The following ABHD12 variants were observed in gnomAD, a reference collection of about 807,000 sequenced individuals.
ABHD12 encodes the protein abhydrolase domain containing 12, lysophospholipase, also known as lysophosphatidylserine lipase ABHD12.
A neutral mutation model predicts 58.3 loss-of-function variants in ABHD12; 43 were observed. The ratio of observed to expected loss-of-function variants is 0.74; its 90% CI spans 0.58 to 0.95. The LOEUF is 0.95. Among genes scored for constraint, ABHD12 ranks in the 40% least tolerant of loss-of-function variants. ABHD12 has a pLI of 0.00. For synonymous variants in ABHD12, 219 were observed against 211.2 expected, an observed-to-expected ratio of 1.04 and a Z score of -0.32; for missense variants, 539 against 537.2, an observed-to-expected ratio of 1.00 and a Z score of -0.03.
intron 1 of ABHD12, among the ~76,000 whole-genome samples, chr20:25,374,261 A>G (rs2089935096): frequency 6.6e-6 from 1 of 152,084 alleles, no homozygotes; most frequent in Non-Finnish European, 1.5e-5. Flanking sequence ...CACCTGGCCT[A>G]GTAATGATGC....
intron 1 of ABHD12, among the ~76,000 whole-genome samples, chr20:25,358,724 G>T (rs2146080883): frequency 6.6e-6 from 1 of 152,256 alleles, no homozygotes; most frequent in Non-Finnish European, 1.5e-5. Flanking sequence ...GGGCACACGT[G>T]AACTTGGACC....
At chr20:25,337,153 C>T (rs1322545247) in intron 2 of ABHD12, among the ~76,000 whole-genome samples, 1 of 152,134 alleles carries the variant, frequency 6.6e-6, no homozygotes, top group Non-Finnish European at 1.5e-5. Context: ...GGAGTCCCAG[C>T]AACTCAGGAG....
chr20:25,300,167 A>G, downstream of ABHD12: 1 of 988,006 alleles, frequency 1.0e-6, no homozygotes, highest in South Asian at 4.6e-5. Context: ...GCTCTGGGGC[A>G]TGGAGGAGGC....
At chr20:25,295,053 A>T in intron 12 of ABHD12, 2 of 1,613,026 alleles carry the variant, frequency 1.2e-6, no homozygotes, top group Non-Finnish European at 1.7e-6. Flanking sequence ...AAGTGCTTTT[A>T]AAATTGTGAA....
At chr20:25,376,818 AAC>A (rs1223077320) in intron 1 of ABHD12, among the ~76,000 whole-genome samples, 1 of 152,248 alleles carries the variant, frequency 6.6e-6, no homozygotes, top group East Asian at 1.9e-4. Flanking sequence ...TGGATGGAAG[AAC>A]ACAGGAGCAA....
intron 1 of ABHD12, among the ~76,000 whole-genome samples, chr20:25,345,512 G>T (rs1164312483): frequency 6.6e-6 from 1 of 152,132 alleles, no homozygotes; most frequent in Non-Finnish European, 1.5e-5. Context: ...GAGAAGATAA[G>T]CCACAGACTC....
At chr20:25,340,184 T>C (rs1248039068) in intron 1 of ABHD12, among the ~76,000 whole-genome samples, 2 of 152,248 alleles carry the variant, frequency 1.3e-5, no homozygotes, top group Admixed American at 6.5e-5. Context: ...TGATCTGTCA[T>C]ATGAGAAATC....
At chr20:25,332,065 C>T (rs1488508503) in intron 2 of ABHD12, among the ~76,000 whole-genome samples, 1 of 152,148 alleles carries the variant, frequency 6.6e-6, no homozygotes, top group East Asian at 1.9e-4. Flanking sequence ...AAACCCATCT[C>T]ACGTGCAGAG....
intron 2 of ABHD12, among the ~76,000 whole-genome samples, chr20:25,331,051 A>G (rs2089265409): frequency 6.6e-6 from 1 of 152,222 alleles, no homozygotes; most frequent in Non-Finnish European, 1.5e-5. Context: ...AAGGCAAAGA[A>G]GTTGAAAACT....
intron 5 of ABHD12, among the ~76,000 whole-genome samples, chr20:25,316,089 T>TG (rs1253144673): frequency 6.6e-6 from 1 of 151,854 alleles, no homozygotes; most frequent in Non-Finnish European, 1.5e-5. Flanking sequence ...AAGTCCCACC[T>TG]GCAGCCCTTG....
rs939091273 is a variant in ABHD12, at chr20:25,387,453, C to T, written c.191+3060G>A. On this transcript the variant is annotated intron_variant, in intron 1 of 12. Transcript: ENST00000339157. The stretch of plus-strand genomic sequence containing the variant: ...GCACATGCCTGTAATCCCACCTTCT[C>T]GGGAGGCTGAGGCAGGAGAATTTAG... Among the ~76,000 whole-genome samples, 9 of 151,322 alleles carry T rather than the reference C, an allele frequency of 5.9e-5. No individual in the cohort carries two copies. In the South Asian group the frequency reaches 1.3e-3, roughly 21 times the overall value.
At position 25,323,418 on chromosome 20, in the gene ABHD12, T is replaced by C. The variant is rs2089117285; in HGVS notation, c.329A>G (p.Tyr110Cys). The change falls in exon 3 of 13, where the codon TAT becomes TGT. Residue 110 changes from tyrosine to cysteine, a missense_variant. Tyr to Cys is a radical substitution (Grantham distance 194). Transcript: ENST00000339157. ...LIFLNFVRVP[Y>C]FIDLKKPQDQ... ...CTGTGGTTTTTTCAAATCAATGAAA[T>C]AGGGAACTCTTACTGTAGGAAATAA... is the stretch of plus-strand genomic sequence containing the variant. 1 of 1,605,128 alleles carries C rather than the reference T, an allele frequency of 6.2e-7. No homozygotes were observed. Among genetic ancestry groups the C allele is most frequent in the Non-Finnish European group, 8.5e-7 (1 of 1,171,814 alleles).
downstream of ABHD12, chr20:25,296,349 ATTTC>A (rs753257835): frequency 1.2e-6 from 2 of 1,613,840 alleles, no homozygotes; most frequent in Non-Finnish European, 1.7e-6. Context: ...CCAGAGACTA[ATTTC>A]ATCTCCTTCC....
At chr20:25,300,115 CAT>C (rs2088608652), downstream of ABHD12, 1 of 856,110 alleles carries the variant, frequency 1.2e-6, no homozygotes, top group African/African-American at 1.8e-5. Context: ...GAGGCTGAGT[CAT>C]GGAGTGGCTC....
chr20:25,325,334 G>C (rs1169199264), intron 2 of ABHD12, among the ~76,000 whole-genome samples: 2 of 152,078 alleles, frequency 1.3e-5, no homozygotes, highest in Admixed American at 1.3e-4. Flanking sequence ...AGGCCTGGGA[G>C]GCCCGCCTGC....
chr20:25,338,931 C>T (rs114981637), intron 2 of ABHD12: 1 of 1,211,336 alleles, frequency 8.3e-7, no homozygotes, highest in East Asian at 5.1e-5. Flanking sequence ...GTGTAGTCTT[C>T]TGTGGACAGA....
intron 12 of ABHD12, among the ~76,000 whole-genome samples, chr20:25,301,935 C>T (rs2088642391): frequency 6.6e-6 from 1 of 152,216 alleles, no homozygotes; most frequent in African/African-American, 2.4e-5. Flanking sequence ...CTGAGTGTTC[C>T]CAAACATGGC....
Position 25,303,582 on chromosome 20 carries a change from C to A in ABHD12, c.997G>T (p.Asp333Tyr). Residue 333 changes from aspartate (D) to tyrosine (Y), a missense_variant, in exon 11 of 13, where the codon GAC becomes TAC. By Grantham distance (160) the Asp-to-Tyr change is radical (BLOSUM62 -3). Coordinates refer to ENST00000339157, the MANE Select transcript of ABHD12 (RefSeq NM_001042472.3). ...CCAAGCTGGAAGGGCACCACCGGGT[C>A]GTCCTCAGCGTGCAGGATGAGCAGG... ...CPLLILHAED[D>Y]PVVPFQLGRK... 6.2e-7 allele frequency: 1 copy of A among 1,613,800 alleles called. No individual in the cohort carries two copies. Among genetic ancestry groups the A allele is most frequent in the Middle Eastern group, 1.6e-4 (1 of 6,062 alleles).
chr20:25,369,193 C>T (rs996251445), intron 1 of ABHD12, among the ~76,000 whole-genome samples: 1 of 152,030 alleles, frequency 6.6e-6, no homozygotes, highest in Non-Finnish European at 1.5e-5. Context: ...TTCCATTTCC[C>T]CAATGGATTA....
Sources: gnomAD v4.1 joint callset for allele counts (sites outside exome capture counted in the v4.1 genomes callset) on GRCh38, gnomAD v4.1.1 for gene constraint, MANE v1.5 for transcripts, NCBI Gene and HGNC (gene_info 2026-07-23, HGNC 2026-07-21) for gene names.